TTBK1: variants seen among roughly 807,000 people sequenced by gnomAD.
The protein encoded by TTBK1 is tau tubulin kinase 1.
A neutral mutation model predicts 108.5 loss-of-function variants in TTBK1; 34 were observed. That is an observed-to-expected ratio of 0.31 (90% CI 0.24 to 0.42). The LOEUF is 0.42. Among genes scored for constraint, TTBK1 ranks in the 10% least tolerant of loss-of-function variants. The pLI is 1.00. For synonymous variants in TTBK1, 809 were observed against 795.1 expected (o/e 1.02, Z -0.29); for missense variants, 1,539 against 1,826.0 (o/e 0.84, Z 2.86).
intron 1 of TTBK1, among the ~76,000 whole-genome samples, chr6:43,245,714 C>T (rs900062207): frequency 6.6e-6 from 1 of 152,178 alleles, no homozygotes; most frequent in Non-Finnish European, 1.5e-5. Context: ...TGTCCTAATT[C>T]GAGGAGAGAT....
rs1433271286 is a variant in TTBK1 at position 43,269,757 on chromosome 6, G to A, written c.1986+6407G>A. 3.1e-6 allele frequency: 5 copies of A among 1,599,364 alleles called. No homozygotes were observed. In the South Asian group the frequency reaches 4.4e-5, roughly 14 times the overall value. On this transcript the variant is annotated intron_variant, in intron 13 of 14. Coordinates refer to ENST00000259750, the MANE Select transcript of TTBK1 (RefSeq NM_032538.3). This position sits in a 1 kb window ranked among gnomAD's most constrained non-coding sequence, Gnocchi z 4.8. ...GGAGACGGAGCATTACCCTCACCCC[G>A]GCGGCGGCGGCTCCTCGGGCTCCTC... is the stretch of plus-strand genomic sequence containing the variant.
intron 2 of TTBK1, among the ~76,000 whole-genome samples, chr6:43,248,992 C>T (rs2150681608): frequency 6.6e-6 from 1 of 152,154 alleles, no homozygotes; most frequent in South Asian, 2.1e-4. Flanking sequence ...GATTTGTATT[C>T]CCATTTATTA....
intron 13 of TTBK1, among the ~76,000 whole-genome samples, chr6:43,267,121 CCT>C (rs1050774679): frequency 1.3e-5 from 2 of 151,128 alleles, no homozygotes; most frequent in African/African-American, 4.9e-5. Flanking sequence ...TGCAGGGCAG[CCT>C]CTGTGTGTGT....
At chr6:43,246,040 C>T (rs1278894683) in intron 1 of TTBK1, among the ~76,000 whole-genome samples, 2 of 152,254 alleles carry the variant, frequency 1.3e-5, no homozygotes, top group Non-Finnish European at 2.9e-5. Context: ...TCAGCACATC[C>T]ATCCCCCTCA....
Position 43,276,734 on chromosome 6 carries a change from G to A in TTBK1, c.1987-5993G>A, listed in dbSNP as rs1462599169. ...AGCTCTCAGTGTAGACCCTGGCTCT[G>A]AGGTCGCCGGGCTGGGCAGAGGGCA... On this transcript the variant is annotated intron_variant, in intron 13 of 14. Coordinates refer to ENST00000259750, the MANE Select transcript of TTBK1 (RefSeq NM_032538.3). This position sits in a 1 kb window ranked among gnomAD's most constrained non-coding sequence, Gnocchi z 5.4. 6.6e-6 allele frequency among the ~76,000 whole-genome samples: 1 copy of A among 151,952 alleles called. No homozygotes were observed. Among genetic ancestry groups the A allele is most frequent in the African/African-American group, 2.4e-5 (1 of 41,348 alleles).
rs904123582 is a variant in TTBK1 at position 43,276,015 on chromosome 6, G to A, written c.1987-6712G>A. On this transcript the variant is annotated intron_variant, in intron 13 of 14. Coordinates refer to ENST00000259750, the MANE Select transcript of TTBK1 (RefSeq NM_032538.3). This position sits in a 1 kb window ranked among gnomAD's most constrained non-coding sequence, Gnocchi z 5.4. ...AAACTCAGCACCGGGGCCCAGCTGA[G>A]CCCCTTCCTGCGTAAGGAGACGCCT... Among the ~76,000 whole-genome samples, 15 of 152,164 alleles carry A rather than the reference G, an allele frequency of 9.9e-5. No individual in the cohort carries two copies. The highest frequency in any genetic ancestry group is 3.6e-4 in the African/African-American group (15 of 41,514).
At chr6:43,261,649 T>C (rs1777541639) in intron 12 of TTBK1, among the ~76,000 whole-genome samples, 1 of 152,008 alleles carries the variant, frequency 6.6e-6, no homozygotes, top group African/African-American at 2.4e-5. Flanking sequence ...ACCCCATCTC[T>C]ACTAAAAATA....
In TTBK1 at chr6:43,284,078, C is replaced by T; in HGVS notation, c.3338C>T (p.Ser1113Phe). The T allele has an allele frequency of 6.5e-7, 1 of 1,540,390 alleles. No individual in the cohort carries two copies. Among genetic ancestry groups the T allele is most frequent in the Non-Finnish European group, 8.7e-7 (1 of 1,143,556 alleles). Reference sequence around the variant, plus strand: ...CTGGCCTCAGGGGCCTCGTCCTCCTCCAGTGAGGAGCAGCGCCGTGCCTCT... The same window carrying T: ...CTGGCCTCAGGGGCCTCGTCCTCCTTCAGTGAGGAGCAGCGCCGTGCCTCT... ...LRLASGASSS[S>F]SEEQRRASET... The change falls in exon 14 of 15, where the codon TCC (serine) becomes TTC (phenylalanine). Residue 1113 changes from serine (S) to phenylalanine (F), a missense_variant. This residue lies in a region of TTBK1 where 1,055 missense variants were observed against 1,086.5 expected (regional missense o/e 0.97). Coordinates refer to ENST00000259750, the MANE Select transcript of TTBK1 (RefSeq NM_032538.3).
In TTBK1 at chr6:43,273,678, A is replaced by C. The variant is rs2150705933; in HGVS notation, c.1987-9049A>C. 6.6e-6 allele frequency among the ~76,000 whole-genome samples: 1 copy of C among 152,310 alleles called. No homozygotes were observed. The highest frequency in any genetic ancestry group is 1.9e-4 in the East Asian group (1 of 5,186). ...AGTGGCAGGTTCAGGGACTGTGGTA[A>C]ACAGGGGAACTCCCATGCCCATACC... On this transcript the variant is annotated intron_variant, in intron 13 of 14. Coordinates refer to ENST00000259750, the MANE Select transcript of TTBK1 (RefSeq NM_032538.3). This position sits in a 1 kb window ranked among gnomAD's most constrained non-coding sequence, Gnocchi z 4.2.
chr6:43,247,196 C>CCTGCAGGCTGCTCCCG (rs1246994289), intron 2 of TTBK1, among the ~76,000 whole-genome samples: 14 of 152,072 alleles, frequency 9.2e-5, no homozygotes, highest in African/African-American at 2.7e-4. Flanking sequence ...GGAAAGAGGC[C>CCTGCAGGCTGCTCCCG]CTGCAGGCTG....
Position 43,259,786 on chromosome 6 carries a change from T to C in TTBK1, c.1424+80T>C, listed in dbSNP as rs1371654008. On this transcript the variant is annotated intron_variant, in intron 12 of 14. Coordinates refer to ENST00000259750, the MANE Select transcript of TTBK1 (RefSeq NM_032538.3). The surrounding 1 kb of genome is among the most constrained non-coding windows in gnomAD (Gnocchi z 6.7). ...TGGCTGGTCTGGAGGAAAAGTTAGA[T>C]GTGTGGCGGAGGTGGGCAGACCCTG... 3 of 1,391,076 alleles carry C rather than the reference T, an allele frequency of 2.2e-6. No homozygotes were observed. The highest frequency in any genetic ancestry group is 2.9e-5 in the African/African-American group (2 of 68,180). 86.2% of individuals were successfully genotyped at this position (1,391,076 alleles called of 1,614,324 possible).
chr6:43,271,440 A>G, intron 13 of TTBK1: 1 of 985,476 alleles, frequency 1.0e-6, no homozygotes, highest in African/African-American at 1.7e-5. Flanking sequence ...GTGTGTATGC[A>G]CATGTGTGTT....
chr6:43,257,284 G>A lies in TTBK1; in HGVS notation c.862-528G>A, dbSNP rs1777407505. Among the ~76,000 whole-genome samples the A allele has an allele frequency of 6.6e-6, 1 of 152,208 alleles. No individual in the cohort carries two copies. The highest frequency in any genetic ancestry group is 1.5e-5 in the Non-Finnish European group (1 of 68,032). ...CAGCTGCGAGCACCCCCCAGGCTGG[G>A]GCCCTGTGCTGGCTGCTAGGGATGC... On this transcript the variant is annotated intron_variant, in intron 9 of 14. Transcript: ENST00000259750. The surrounding 1 kb of genome is among the most constrained non-coding windows in gnomAD (Gnocchi z 4.5).
At chr6:43,280,294 C>T (rs1778120169) in intron 13 of TTBK1, among the ~76,000 whole-genome samples, 1 of 152,146 alleles carries the variant, frequency 6.6e-6, no homozygotes, top group South Asian at 2.1e-4. Flanking sequence ...CCCCTCCTTT[C>T]CCCACACGCT....
chr6:43,270,832 A>T, intron 13 of TTBK1: 1 of 985,178 alleles, frequency 1.0e-6, no homozygotes, highest in East Asian at 1.1e-4. Context: ...GTGAGAAACC[A>T]TGTGCTTGTC....
intron 2 of TTBK1, among the ~76,000 whole-genome samples, chr6:43,249,093 C>T (rs1777172395): frequency 6.6e-6 from 1 of 151,930 alleles, no homozygotes; most frequent in African/African-American, 2.4e-5. Context: ...TGATTCTTGT[C>T]AGGTCTGTCT....
Position 43,287,307 on chromosome 6 carries a change from G to A in TTBK1, c.*1931G>A, listed in dbSNP as rs1038048820. On this transcript the variant is annotated 3_prime_UTR_variant, in exon 15 of 15. Coordinates refer to ENST00000259750, the MANE Select transcript of TTBK1 (RefSeq NM_032538.3). The surrounding 1 kb of genome is among the most constrained non-coding windows in gnomAD (Gnocchi z 4.1). Reference sequence around the variant, plus strand: ...AGCTTCTCCGAATGACAATCAGCTCGTGCCAGGTGGGGACCAGGATATGAC... The same window carrying A: ...AGCTTCTCCGAATGACAATCAGCTCATGCCAGGTGGGGACCAGGATATGAC... The A allele has an allele frequency of 2.0e-5, 3 of 152,532 alleles. No individual in the cohort carries two copies. The highest frequency in any genetic ancestry group is 2.1e-4 in the South Asian group (1 of 4,804). 9.4% of individuals were successfully genotyped at this position (152,532 alleles called of 1,614,324 possible).
chr6:43,267,383 C>A lies in TTBK1; in HGVS notation c.1986+4033C>A, dbSNP rs1209545259. On this transcript the variant is annotated intron_variant, in intron 13 of 14. Transcript: ENST00000259750. ...TCTCCACCCACAGGCGGAGATTATG[C>A]GGCTCAGGGCAGGCAGGAAGTCTCT... 2.0e-5 allele frequency among the ~76,000 whole-genome samples: 3 copies of A among 152,154 alleles called. No homozygotes were observed. In the South Asian group the frequency reaches 6.2e-4, roughly 32 times the overall value.
chr6:43,282,521 A>G lies in TTBK1; in HGVS notation c.1987-206A>G, dbSNP rs1480165046. On this transcript the variant is annotated intron_variant, in intron 13 of 14. Transcript: ENST00000259750. The surrounding 1 kb of genome is among the most constrained non-coding windows in gnomAD (Gnocchi z 5.4). ...GTCATTCATCAGAGGTTTCCTGAGCACTCACTAGGCGCCAGAGACCATTCT... is the reference window on the plus strand; with the variant it reads ...GTCATTCATCAGAGGTTTCCTGAGCGCTCACTAGGCGCCAGAGACCATTCT... Among the ~76,000 whole-genome samples, 1 of 152,132 alleles carries G rather than the reference A, an allele frequency of 6.6e-6. No homozygotes were observed. Among genetic ancestry groups the G allele is most frequent in the Non-Finnish European group, 1.5e-5 (1 of 68,026 alleles).
Sources: allele counts gnomAD v4.1 joint callset (sites outside exome capture counted in the v4.1 genomes callset), GRCh38; gene constraint gnomAD v4.1.1; regional missense constraint gnomAD v4.1.1; non-coding constraint Gnocchi (gnomAD v3.1); transcripts MANE v1.5; gene names NCBI Gene and HGNC (gene_info 2026-07-23, HGNC 2026-07-21).